The following KCNAB1 variants were observed in gnomAD, a reference collection of about 807,000 sequenced individuals.
KCNAB1 encodes voltage-gated potassium channel subunit beta-1.
KCNAB1 carries 35 observed loss-of-function variants against 64.6 expected under a neutral mutation model. That is an observed-to-expected ratio of 0.54 (90% CI 0.41 to 0.72). KCNAB1 has a LOEUF of 0.72. KCNAB1 is among the 30% of genes least tolerant of loss of function. The pLI is 0.00. For synonymous variants in KCNAB1, 177 were observed against 183.8 expected, an observed-to-expected ratio of 0.96 and a Z score of 0.30; for missense variants, 401 against 512.9, an observed-to-expected ratio of 0.78 and a Z score of 2.11.
intron 8 of KCNAB1, among the ~76,000 whole-genome samples, chr3:156,488,911 G>T (rs530986251): frequency 1.3e-5 from 2 of 152,126 alleles, no homozygotes; most frequent in Non-Finnish European, 2.9e-5. Context: ...AGATATGAGC[G>T]TGACTGAAAG....
intron 8 of KCNAB1, among the ~76,000 whole-genome samples, chr3:156,504,613 G>A (rs1423131362): frequency 6.6e-6 from 1 of 151,804 alleles, no homozygotes; most frequent in African/African-American, 2.4e-5. Flanking sequence ...GGGTAAGATG[G>A]TATCTTATGC....
intron 1 of KCNAB1, among the ~76,000 whole-genome samples, chr3:156,201,314 A>C (rs140760119): frequency 6.6e-6 from 1 of 152,362 alleles, no homozygotes; most frequent in African/African-American, 2.4e-5. Flanking sequence ...ATATAATTTT[A>C]GAACAGCTTC....
intron 1 of KCNAB1, among the ~76,000 whole-genome samples, chr3:156,139,295 C>G (rs943649838): frequency 5.9e-5 from 9 of 152,290 alleles, no homozygotes; most frequent in Non-Finnish European, 1.0e-4. Flanking sequence ...TTGGCTTTCT[C>G]ATTTCTCTCT....
chr3:156,408,657 G>A (rs779764973), intron 1 of KCNAB1, among the ~76,000 whole-genome samples: 10 of 152,054 alleles, frequency 6.6e-5, no homozygotes, highest in Non-Finnish European at 1.3e-4. Context: ...GGGCACACCT[G>A]TAATCCCAGC....
At chr3:156,427,242 G>A (rs556851790) in intron 2 of KCNAB1, among the ~76,000 whole-genome samples, 2 of 152,286 alleles carry the variant, frequency 1.3e-5, no homozygotes, top group South Asian at 4.1e-4. Flanking sequence ...GGTGACCAAA[G>A]AGCTTGTGAC....
intron 4 of KCNAB1, among the ~76,000 whole-genome samples, chr3:156,458,738 G>A (rs750197790): frequency 6.6e-5 from 10 of 152,138 alleles, no homozygotes; most frequent in Non-Finnish European, 1.5e-4. Flanking sequence ...GTACCAAATG[G>A]CACTAAGGTA....
intron 1 of KCNAB1, among the ~76,000 whole-genome samples, chr3:156,303,471 T>G (rs1235255205): frequency 6.6e-6 from 1 of 152,172 alleles, no homozygotes. Flanking sequence ...AGAGACACAA[T>G]GCTTGAGTAA....
chr3:156,511,652 C>T (rs1449151563), intron 8 of KCNAB1, among the ~76,000 whole-genome samples: 5 of 151,124 alleles, frequency 3.3e-5, no homozygotes, highest in South Asian at 2.1e-4. Flanking sequence ...CCATCATCAC[C>T]CTATTACAAA....
chr3:156,312,703 C>CAAAAAAAAAAAAAAAAA lies in KCNAB1; in HGVS notation c.276-108901_276-108885dup, dbSNP rs397991453. Among the ~76,000 whole-genome samples, 17 of 27,424 alleles carry CAAAAAAAAAAAAAAAAA rather than the reference C, an allele frequency of 6.2e-4. 2 individuals carry two copies. The highest frequency in any genetic ancestry group is 7.1e-4 in the African/African-American group (6 of 8,428). The allele number at this position is 27,424 out of a possible 152,430, so 18.0% of individuals were successfully genotyped here. On this transcript the variant is annotated intron_variant, in intron 1 of 13. Transcript: ENST00000490337. ...CTAGGTGACAGAGTGAGACTGTCTC[C>CAAAAAAAAAAAAAAAAA]AAAAAAAAAAAAAAAAAAAAAAAAA...
At chr3:156,435,027 C>A (rs1023512421) in intron 2 of KCNAB1, among the ~76,000 whole-genome samples, 1 of 152,104 alleles carries the variant, frequency 6.6e-6, no homozygotes, top group African/African-American at 2.4e-5. Flanking sequence ...CAAGTCAGTG[C>A]TAGTGTGGGT....
intron 1 of KCNAB1, among the ~76,000 whole-genome samples, chr3:156,190,091 T>G (rs1004682535): frequency 6.6e-6 from 1 of 152,252 alleles, no homozygotes; most frequent in Non-Finnish European, 1.5e-5. Context: ...GAGTCATTAA[T>G]CAAAAGCTTC....
intron 1 of KCNAB1, among the ~76,000 whole-genome samples, chr3:156,327,098 A>T (rs190151447): frequency 2.0e-5 from 3 of 152,332 alleles, no homozygotes; most frequent in Admixed American, 1.3e-4. Context: ...AAATCTGGTT[A>T]AGGCAAACGT....
chr3:156,366,242 A>C (rs1398979958), intron 1 of KCNAB1, among the ~76,000 whole-genome samples: 1 of 152,240 alleles, frequency 6.6e-6, no homozygotes, highest in Non-Finnish European at 1.5e-5. Context: ...TTTAAAACAA[A>C]TGATGGGATG....
chr3:156,457,727 A>G (rs749153838), intron 4 of KCNAB1, among the ~76,000 whole-genome samples, 195 bp downstream of exon 4: 2 of 152,000 alleles, frequency 1.3e-5, no homozygotes, highest in Non-Finnish European at 2.9e-5. Context: ...GCTCACCCAA[A>G]CCTTCCTGCT....
chr3:156,335,873 T>G (rs554041053), intron 1 of KCNAB1, among the ~76,000 whole-genome samples: 1 of 144,618 alleles, frequency 6.9e-6, no homozygotes, highest in African/African-American at 2.7e-5. Context: ...TTTTTTTGCA[T>G]TACACAGATA....
chr3:156,385,193 T>C (rs1461108576), intron 1 of KCNAB1, among the ~76,000 whole-genome samples: 3 of 152,186 alleles, frequency 2.0e-5, no homozygotes, highest in African/African-American at 4.8e-5. Flanking sequence ...GACATCCGTG[T>C]TTGAGAAACA....
At chr3:156,429,297 C>T (rs961695555) in intron 2 of KCNAB1, among the ~76,000 whole-genome samples, 11 of 152,306 alleles carry the variant, frequency 7.2e-5, no homozygotes, top group East Asian at 3.9e-4. Context: ...TGGCAGCAGC[C>T]GCCCGCAGAT....
chr3:156,144,523 C>T (rs1372116156), intron 1 of KCNAB1, among the ~76,000 whole-genome samples: 1 of 152,188 alleles, frequency 6.6e-6, no homozygotes. Flanking sequence ...CCTACCACAT[C>T]CTGCTTTAGA....
At chr3:156,273,020 G>A (rs576796559) in intron 1 of KCNAB1, among the ~76,000 whole-genome samples, 16 of 152,098 alleles carry the variant, frequency 1.1e-4, no homozygotes, top group Middle Eastern at 3.4e-3. Context: ...GCTAGGTCCC[G>A]GAAAGGGGGC....
Sources: allele counts gnomAD v4.1 joint callset (sites outside exome capture counted in the v4.1 genomes callset), GRCh38; gene constraint gnomAD v4.1.1; transcripts MANE v1.5; gene names NCBI Gene and HGNC (gene_info 2026-07-23, HGNC 2026-07-21).